The following PKD1 variants were observed in gnomAD, a reference collection of about 807,000 sequenced individuals.
PKD1 encodes polycystin 1, transient receptor potential channel interacting, also known as polycystin-1.
Under a neutral mutation model 361.7 loss-of-function variants are expected in PKD1, and 81 were observed. The observed-to-expected ratio is 0.22, with a 90% CI of 0.19 to 0.27. The LOEUF is 0.27. PKD1 is among the 10% of genes least tolerant of loss of function. PKD1 has a pLI of 1.00. For synonymous variants in PKD1, 3,615 were observed against 2,818.3 expected (o/e 1.28, Z -8.95); for missense variants, 6,399 against 6,118.3 (o/e 1.05, Z -1.53).
In PKD1 at chr16:2,092,426, G is replaced by C. The variant is rs1321155927; in HGVS notation, c.11269+54C>G. On this transcript the variant is annotated intron_variant, in intron 39 of 45. Coordinates refer to ENST00000262304, the MANE Select transcript of PKD1 (RefSeq NM_001009944.3). Reference sequence around the variant, plus strand: ...TGATGCCAGAGCTCCGCTAAAGGCTGCTCTCTCAACAAGAGGAACGATTTA... The same window carrying C: ...TGATGCCAGAGCTCCGCTAAAGGCTCCTCTCTCAACAAGAGGAACGATTTA... The C allele has an allele frequency of 1.6e-5, 20 of 1,266,778 alleles. 1 individual carries two copies. The Admixed American group carries it at 3.5e-4, about 22-fold the overall frequency. The allele number at this position is 1,266,778 out of a possible 1,614,324, so 78.5% of individuals were successfully genotyped here.
intron 9 of PKD1, 66 bp downstream of exon 9, chr16:2,115,926 A>G (rs1368659556): frequency 2.0e-6 from 3 of 1,522,718 alleles, no homozygotes; most frequent in Middle Eastern, 2.3e-4. Flanking sequence ...CAGACGTGAA[A>G]GCTCAGAGAG....
chr16:2,119,657 G>C, intron 1 of PKD1: 1 of 615,546 alleles, frequency 1.6e-6, no homozygotes. Context: ...GCCAGGAAGG[G>C]CACGGACCCC....
Position 2,100,644 on chromosome 16 carries a change from T to A in PKD1, c.9398-78A>T. 2 of 1,320,800 alleles carry A rather than the reference T, an allele frequency of 1.5e-6. No homozygotes were observed. The highest frequency in any genetic ancestry group is 2.1e-6 in the Non-Finnish European group (2 of 932,808). The allele number at this position is 1,320,800 out of a possible 1,614,324, so 81.8% of individuals were successfully genotyped here. A position where few individuals can be genotyped will look rare whatever the true frequency, so the allele number is the denominator to read the frequency against. Reference sequence around the variant, plus strand: ...GGCATCCCAGGCAAGTCATCTCAGCTTTGGCCTGTGCGCACTCAAGGAGCC... The same window carrying A: ...GGCATCCCAGGCAAGTCATCTCAGCATTGGCCTGTGCGCACTCAAGGAGCC... On this transcript the variant is annotated intron_variant, in intron 26 of 45. Coordinates refer to ENST00000262304, the MANE Select transcript of PKD1 (RefSeq NM_001009944.3). The surrounding 1 kb of genome is among the most constrained non-coding windows in gnomAD (Gnocchi z 4.4).
At chr16:2,115,263 C>T (rs1264238639) in intron 10 of PKD1, 115 bp downstream of exon 10, 3 of 1,153,564 alleles carry the variant, frequency 2.6e-6, no homozygotes, top group Non-Finnish European at 2.5e-6. Context: ...GTGGCAAGGA[C>T]GTGGGAGGGG....
chr16:2,102,125 G>A lies in PKD1; in HGVS notation c.9333C>T (p.Phe3111=), dbSNP rs4787115. The stretch of plus-strand genomic sequence containing the variant: ...ACTTGAAGCGGCCCCGCTGCCCACA[G>A]AAAGGGATGGCGCGGCCCCGGCTGG... ...LDASRGRAIP[F]CGQRGRFKYE... The change falls in exon 26 of 46, where the codon TTC becomes TTT. Residue 3111 remains phenylalanine, a synonymous_variant. Coordinates refer to ENST00000262304, the MANE Select transcript of PKD1 (RefSeq NM_001009944.3). 6 of 1,569,858 alleles carry A rather than the reference G, an allele frequency of 3.8e-6. No individual in the cohort carries two copies. In the African/African-American group the frequency reaches 8.8e-5, roughly 23 times the overall value.
Position 2,099,955 on chromosome 16 carries a change from G to C in PKD1, c.9829C>G (p.Arg3277Gly). ...WDRPPRSRFT[R>G]IQRATCCVLL... ...ACGCAGCAGGTGGCCCTCTGGATGC[G>C]AGTGAAACGGCTACGAGGCGGCCGG... The change falls in exon 29 of 46, where the codon CGC (arginine) becomes GGC (glycine). Residue 3277 changes from arginine (R) to glycine (G), a missense_variant. Physicochemically the swap from Arg to Gly is moderately radical, Grantham distance 125 (BLOSUM62 -2). Transcript: ENST00000262304. 6.4e-7 allele frequency: 1 copy of C among 1,563,574 alleles called. No homozygotes were observed. Among genetic ancestry groups the C allele is most frequent in the South Asian group, 1.2e-5 (1 of 85,582 alleles).
At chr16:2,115,954 G>A (rs895743719) in intron 9 of PKD1, 38 bp downstream of exon 9, 21 of 1,536,306 alleles carry the variant, frequency 1.4e-5, no homozygotes, top group South Asian at 6.0e-5. Flanking sequence ...CGAGTCCTGC[G>A]GCGCCCACCA....
Position 2,115,621 on chromosome 16 carries a change from G to C in PKD1, c.1854C>G (p.Thr618=). Residue 618 remains threonine, a synonymous_variant, in exon 10 of 46, where the codon ACC becomes ACG. Transcript: ENST00000262304. ...TCTCAGGCTCGCTGCCGTTCTCCGG[G>C]GTCCCTGTGAGGAGGGGAGGGTGTT... is the stretch of plus-strand genomic sequence containing the variant. The part of the protein sequence containing the change: ...QVYRLLSTAG[T]PENGSEPESR... 1 of 1,600,938 alleles carries C rather than the reference G, an allele frequency of 6.2e-7. No individual in the cohort carries two copies. The highest frequency in any genetic ancestry group is 1.3e-5 in the African/African-American group (1 of 74,622).
intron 9 of PKD1, 117 bp downstream of exon 9, chr16:2,115,875 C>A: frequency 8.2e-7 from 1 of 1,217,086 alleles, no homozygotes; most frequent in Non-Finnish European, 1.2e-6. Flanking sequence ...CCTGCTCTGT[C>A]CACCTAAGAC....
chr16:2,116,719 C>G (rs186815115), intron 7 of PKD1, 75 bp from the exon 8 acceptor site: 28 of 1,189,080 alleles, frequency 2.4e-5, no homozygotes, highest in Non-Finnish European at 3.4e-5. Flanking sequence ...GGGACCGAGC[C>G]GCCCGAAAAC....
At position 2,120,003 on chromosome 16, in the gene PKD1, G is replaced by A; in HGVS notation, c.216-625C>T. On this transcript the variant is annotated intron_variant, in intron 1 of 45. Coordinates refer to ENST00000262304, the MANE Select transcript of PKD1 (RefSeq NM_001009944.3). ...GAGACGGAAGGATCGCCTGGGCCCA[G>A]GATTTTGAAACCACCCTGGGCAACA... is the stretch of plus-strand genomic sequence containing the variant. 4 of 595,102 alleles carry A rather than the reference G, an allele frequency of 6.7e-6. No individual in the cohort carries two copies. In the South Asian group the frequency reaches 7.8e-5, roughly 12 times the overall value. 36.9% of individuals were successfully genotyped at this position (595,102 alleles called of 1,614,324 possible).
At chr16:2,094,884 C>T (rs766759402) in intron 34 of PKD1, 2 of 153,222 alleles carry the variant, frequency 1.3e-5, no homozygotes, top group Admixed American at 6.5e-5. Context: ...GACGCTCTCC[C>T]GTACCTGCGC....
At chr16:2,092,645 G>C in intron 38 of PKD1, 53 bp from the exon 39 acceptor site, 4 of 1,278,496 alleles carry the variant, frequency 3.1e-6, no homozygotes, top group African/African-American at 1.5e-5. Flanking sequence ...TGCCCGCCTC[G>C]AGTGAGCGGC....
At position 2,091,075 on chromosome 16, in the gene PKD1, G is replaced by T; in HGVS notation, c.11812C>A (p.Arg3938=). The part of the protein sequence containing the change: ...WRVLRLGAWA[R]WLLVALTAAT... The stretch of plus-strand genomic sequence containing the variant: ...GCCGTCAGCGCCACCAGCAGCCACC[G>T]CGCCCAGGCTCCGAGCCGCAGCACG... The change falls in exon 43 of 46, where the codon CGG becomes AGG. Residue 3938 remains arginine (R), a synonymous_variant. Transcript: ENST00000262304. 2.6e-6 allele frequency: 4 copies of T among 1,513,790 alleles called. No homozygotes were observed. The highest frequency in any genetic ancestry group is 3.5e-6 in the Non-Finnish European group (4 of 1,136,566). 93.8% of individuals were successfully genotyped at this position (1,513,790 alleles called of 1,614,324 possible).
In PKD1 at chr16:2,110,450, C is replaced by T. The variant is rs1425313443; in HGVS notation, c.4717G>A (p.Glu1573Lys). ...NGSVSFSTSL[E>K]AGSDVRYSWV... is the part of the protein sequence containing the mutation. ...GAATAGCGCACATCACTGCCGGCCT[C>T]CAGCGACGTGCTGAAGCTCACGCTC... Residue 1573 changes from glutamate (E) to lysine (K), a missense_variant, in exon 15 of 46, where the codon GAG (glutamate) becomes AAG (lysine). Physicochemically the swap from Glu to Lys is moderately conservative, Grantham distance 56. Transcript: ENST00000262304. 6.2e-7 allele frequency: 1 copy of T among 1,612,574 alleles called. No individual in the cohort carries two copies. The highest frequency in any genetic ancestry group is 8.5e-7 in the Non-Finnish European group (1 of 1,179,846).
intron 16 of PKD1, 122 bp downstream of exon 16, chr16:2,107,761 T>C (rs1348125856): frequency 1.1e-6 from 1 of 907,196 alleles, no homozygotes; most frequent in African/African-American, 1.6e-5. Context: ...ACATAGAATT[T>C]GCATCAGAAA....
At position 2,092,051 on chromosome 16, in the gene PKD1, G is replaced by C; in HGVS notation, c.11407C>G (p.Leu3803Val). 6.2e-7 allele frequency: 1 copy of C among 1,612,808 alleles called. No individual in the cohort carries two copies. Among genetic ancestry groups the C allele is most frequent in the Non-Finnish European group, 8.5e-7 (1 of 1,179,990 alleles). The change falls in exon 40 of 46, where the codon CTG (leucine) becomes GTG (valine). Residue 3803 changes from leucine (L) to valine (V), a missense_variant. By Grantham distance (32) the Leu-to-Val change is conservative. Coordinates refer to ENST00000262304, the MANE Select transcript of PKD1 (RefSeq NM_001009944.3). ...CGGGGCCCTCGCTCTGCTCACCCCAGCAGATCCGGCGCTGAATAGGCCCAC... is the reference window on the plus strand; with the variant it reads ...CGGGGCCCTCGCTCTGCTCACCCCACCAGATCCGGCGCTGAATAGGCCCAC... ...GTWAYSAPDL[L>V]GAWSWGSCAV...
chr16:2,089,638 T>C lies in PKD1; in HGVS notation c.*89A>G. 1 of 1,479,042 alleles carries C rather than the reference T, an allele frequency of 6.8e-7. No homozygotes were observed. Among genetic ancestry groups the C allele is most frequent in the African/African-American group, 1.4e-5 (1 of 71,852 alleles). 91.6% of individuals were successfully genotyped at this position (1,479,042 alleles called of 1,614,324 possible). On this transcript the variant is annotated 3_prime_UTR_variant, in exon 46 of 46. Transcript: ENST00000262304. ...CTGGGGAACCTACGTGCAGCCATTC[T>C]GCCTGGCCCTCGGCCTTGACAGCGG...
Position 2,109,906 on chromosome 16 carries a change from A to G in PKD1, c.5261T>C (p.Leu1754Ser), listed in dbSNP as rs1480250992. Reference protein sequence around the residue: ...GGSGVVYTWSLEEGLSWETSE... With the variant: ...GGSGVVYTWSSEEGLSWETSE... ...GGTCTCCCAGCTCAGCCCCTCCTCC[A>G]AGGACCAAGTGTATACGACACCACT... Residue 1754 changes from leucine to serine, a missense_variant, in exon 15 of 46, where the codon TTG (leucine) becomes TCG (serine). Physicochemically the swap from Leu to Ser is moderately radical, Grantham distance 145. Transcript: ENST00000262304. The G allele has an allele frequency of 1.2e-6, 2 of 1,610,520 alleles. No individual in the cohort carries two copies. Among genetic ancestry groups the G allele is most frequent in the South Asian group, 1.1e-5 (1 of 90,978 alleles).
Sources: gnomAD v4.1 joint callset for allele counts on GRCh38, gnomAD v4.1.1 for gene constraint, Gnocchi (gnomAD v3.1) non-coding constraint, MANE v1.5 for transcripts, NCBI Gene and HGNC (gene_info 2026-07-23, HGNC 2026-07-21) for gene names.